The following PPP6C variants were observed in gnomAD, a reference collection of about 807,000 sequenced individuals.
PPP6C encodes the protein serine/threonine-protein phosphatase 6 catalytic subunit.
Under a neutral mutation model 39.8 loss-of-function variants are expected in PPP6C, and 11 were observed. The observed-to-expected ratio is 0.28, with a 90% CI of 0.17 to 0.46. The LOEUF is 0.46. Ranked by LOEUF, PPP6C falls within the 20% of genes least tolerant of loss-of-function variation. The pLI is 1.00. For synonymous variants in PPP6C, 129 were observed against 130.3 expected (o/e 0.99, Z 0.07); for missense variants, 211 against 373.9 (o/e 0.56, Z 3.59).
At chr9:125,163,564 G>A (rs1044295489) in intron 2 of PPP6C, among the ~76,000 whole-genome samples, 4 of 149,292 alleles carry the variant, frequency 2.7e-5, no homozygotes, top group African/African-American at 9.9e-5. Context: ...CCGAGTAGCT[G>A]GGATTACAGG....
At chr9:125,152,723 G>A (rs766324959) in intron 6 of PPP6C, among the ~76,000 whole-genome samples, 4 of 151,432 alleles carry the variant, frequency 2.6e-5, no homozygotes, top group Non-Finnish European at 4.4e-5. Flanking sequence ...CCAGCTACTC[G>A]GGAGGCTGAG....
At chr9:125,160,234 T>C (rs569192574) in intron 3 of PPP6C, among the ~76,000 whole-genome samples, 6 of 152,326 alleles carry the variant, frequency 3.9e-5, no homozygotes, top group Middle Eastern at 3.4e-3. Flanking sequence ...TTGAAGATTT[T>C]TGCCTTAAAC....
chr9:125,182,010 T>C (rs1190053750), intron 1 of PPP6C, among the ~76,000 whole-genome samples: 1 of 152,234 alleles, frequency 6.6e-6, no homozygotes, highest in Non-Finnish European at 1.5e-5. Context: ...TGGCGTGAGA[T>C]GGTATCTCAT....
chr9:125,189,702 A>C lies in PPP6C; in HGVS notation c.17T>G (p.Leu6Arg). The C allele has an allele frequency of 6.2e-7, 1 of 1,606,084 alleles. No individual in the cohort carries two copies. The highest frequency in any genetic ancestry group is 8.5e-7 in the Non-Finnish European group (1 of 1,177,030). MAPLD[L>R]DKYVEIARLC... ...CCGCGCTATTTCCACATACTTGTCC[A>C]GGTCTAGCGGCGCCATTTTAAGAAT... Residue 6 changes from leucine to arginine, a missense_variant, in exon 1 of 7, where the codon CTG (leucine) becomes CGG (arginine). This residue lies in a region of PPP6C where 43 missense variants were observed against 31.3 expected (regional missense o/e 1.38). Transcript: ENST00000373547.
At chr9:125,172,664 A>G (rs36089387) in intron 1 of PPP6C, among the ~76,000 whole-genome samples, 4,754 of 152,172 alleles carry the variant, frequency 0.031, 128 homozygotes, top group Non-Finnish European at 0.05. Context: ...TTTTGACTAT[A>G]GAGTTGGATA....
In PPP6C at chr9:125,171,178, C is replaced by T. The variant is rs138114335; in HGVS notation, c.78G>A (p.Arg26=). 4.5e-5 allele frequency: 70 copies of T among 1,570,082 alleles called. No homozygotes were observed. The highest frequency in any genetic ancestry group is 6.0e-5 in the Non-Finnish European group (69 of 1,152,358). ...CKYLPENDLK[R]LCDYVCDLLL... is the part of the protein sequence containing the mutation. ...GGAGGTCACAAACGTAGTCACATAG[C>T]CGCTATAAAAAGAGAAAATAAAAGG... is the stretch of plus-strand genomic sequence containing the variant. The change falls in exon 2 of 7, where the codon CGG becomes CGA. Residue 26 remains arginine, a splice_region_variant and synonymous_variant. Coordinates refer to ENST00000373547, the MANE Select transcript of PPP6C (RefSeq NM_002721.5).
At chr9:125,154,194 T>C (rs566426426) in intron 4 of PPP6C, among the ~76,000 whole-genome samples, 2 of 152,260 alleles carry the variant, frequency 1.3e-5, no homozygotes, top group Admixed American at 1.3e-4. Flanking sequence ...CCCTTAACCA[T>C]GGGGATACAT....
rs1213689949 is a variant in PPP6C at position 125,171,115 on chromosome 9, T to C, written c.141A>G (p.Pro47=). ...EESNVQPVST[P]VTVCGDIHGQ... ...CATGGATATCTCCACACACTGTTAC[T>C]GGTGTTGATACTGGCTGAACATTTG... Residue 47 remains proline, a synonymous_variant, in exon 2 of 7, where the codon CCA becomes CCG. Transcript: ENST00000373547. 1 of 1,601,902 alleles carries C rather than the reference T, an allele frequency of 6.2e-7. No homozygotes were observed. Among genetic ancestry groups the C allele is most frequent in the Non-Finnish European group, 8.5e-7 (1 of 1,171,698 alleles).
intron 1 of PPP6C, among the ~76,000 whole-genome samples, chr9:125,172,893 T>C (rs2161753): frequency 0.14 from 21,558 of 152,186 alleles, 1,642 homozygotes; most frequent in East Asian, 0.23. Flanking sequence ...GGCATTACAC[T>C]ATAGTTCTAC....
rs778041607 is a variant in PPP6C, at chr9:125,153,605, A to G, written c.597T>C (p.Pro199=). Residue 199 remains proline (P), a synonymous_variant, in exon 6 of 7, where the codon CCT becomes CCC. Coordinates refer to ENST00000373547, the MANE Select transcript of PPP6C (RefSeq NM_002721.5). Reference sequence around the variant, plus strand: ...TGATAGCCCAGGTATCCACATCTTCAGGATCTGACCAAACCAGATCACAAA... The same window carrying G: ...TGATAGCCCAGGTATCCACATCTTCGGGATCTGACCAAACCAGATCACAAA... ...GAFCDLVWSD[P]EDVDTWAISP... is the part of the protein sequence containing the mutation. 1 of 1,614,164 alleles carries G rather than the reference A, an allele frequency of 6.2e-7. No homozygotes were observed. The highest frequency in any genetic ancestry group is 8.5e-7 in the Non-Finnish European group (1 of 1,180,026).
intron 1 of PPP6C, among the ~76,000 whole-genome samples, chr9:125,175,295 A>G (rs553608443): frequency 2.6e-5 from 4 of 152,202 alleles, no homozygotes; most frequent in African/African-American, 9.6e-5. Context: ...ATACTGAAAG[A>G]TGTTCTCGAA....
chr9:125,152,226 C>T (rs572929903), intron 6 of PPP6C, among the ~76,000 whole-genome samples: 1 of 152,064 alleles, frequency 6.6e-6, no homozygotes, highest in South Asian at 2.1e-4. Context: ...CTCTTTTGTA[C>T]CTACTCCTTT....
At chr9:125,171,926 G>A in intron 1 of PPP6C, 2 of 466,610 alleles carry the variant, frequency 4.3e-6, no homozygotes, top group South Asian at 3.1e-5. Context: ...CCCAGCAACT[G>A]TAGTCTTGGC....
chr9:125,164,594 T>C (rs914959670), intron 2 of PPP6C, among the ~76,000 whole-genome samples: 6 of 152,220 alleles, frequency 3.9e-5, no homozygotes, highest in African/African-American at 1.4e-4. Context: ...AAGAAGTAGA[T>C]TTTTTTCTTT....
chr9:125,174,155 T>C (rs759428042), intron 1 of PPP6C, among the ~76,000 whole-genome samples: 5 of 152,172 alleles, frequency 3.3e-5, no homozygotes, highest in Non-Finnish European at 7.3e-5. Flanking sequence ...ACGATAGGTC[T>C]GCCAAGAAAG....
intron 1 of PPP6C, chr9:125,189,415 C>G (rs1829612553): frequency 2.4e-6 from 3 of 1,256,716 alleles, no homozygotes; most frequent in Non-Finnish European, 1.1e-6. Context: ...GACCCTGGGA[C>G]AGAGGCCGCG....
intron 1 of PPP6C, among the ~76,000 whole-genome samples, chr9:125,177,317 T>C (rs917178110): frequency 6.6e-6 from 1 of 152,040 alleles, no homozygotes; most frequent in African/African-American, 2.4e-5. Flanking sequence ...GAACTTGCAG[T>C]GAGCAGAGAT....
intron 2 of PPP6C, among the ~76,000 whole-genome samples, chr9:125,166,918 T>C (rs1172830687): frequency 6.6e-6 from 1 of 151,860 alleles, no homozygotes; most frequent in Non-Finnish European, 1.5e-5. Flanking sequence ...TTTTTCTTTT[T>C]AGATGGGGTC....
At chr9:125,153,367 A>T (rs1441554249) in intron 6 of PPP6C, among the ~76,000 whole-genome samples, 166 bp downstream of exon 6, 3 of 152,196 alleles carry the variant, frequency 2.0e-5, no homozygotes, top group African/African-American at 7.2e-5. Flanking sequence ...ATCTTATTTA[A>T]CCATTAAAGA....
Sources: gnomAD v4.1 joint callset for allele counts (sites outside exome capture counted in the v4.1 genomes callset) on GRCh38, gnomAD v4.1.1 for gene constraint, gnomAD v4.1.1 regional missense constraint, MANE v1.5 for transcripts, NCBI Gene and HGNC (gene_info 2026-07-23, HGNC 2026-07-21) for gene names.